AP2A2: variants seen among roughly 807,000 people sequenced by gnomAD.
AP2A2 encodes AP-2 complex subunit alpha-2.
A neutral mutation model predicts 104.2 loss-of-function variants in AP2A2; 32 were observed. That is an observed-to-expected ratio of 0.31 (90% CI 0.23 to 0.41). AP2A2 has a LOEUF of 0.41. AP2A2 is among the 10% of genes least tolerant of loss of function. The probability of loss-of-function intolerance (pLI) is 1.00; values close to 1 mark genes in which losing one functional copy is unlikely to be tolerated. For synonymous variants in AP2A2, 539 were observed against 533.3 expected, an observed-to-expected ratio of 1.01 and a Z score of -0.15; for missense variants, 912 against 1,261.0, an observed-to-expected ratio of 0.72 and a Z score of 4.19.
intron 2 of AP2A2, among the ~76,000 whole-genome samples, chr11:967,867 C>A (rs1854675573): frequency 6.6e-6 from 1 of 152,204 alleles, no homozygotes; most frequent in Admixed American, 6.5e-5. Context: ...CTGTTATCCT[C>A]TGCCTTTTAT....
At chr11:997,963 C>T (rs958980354) in intron 14 of AP2A2, among the ~76,000 whole-genome samples, 2 of 152,140 alleles carry the variant, frequency 1.3e-5, no homozygotes, top group African/African-American at 4.8e-5. Context: ...GTGCAGGAAC[C>T]AGGGTAACAT....
chr11:994,120 A>G lies in AP2A2; in HGVS notation c.1831A>G (p.Ile611Val), dbSNP rs758411680. The change falls in exon 14 of 22, where the codon ATC becomes GTC. Residue 611 changes from isoleucine (I) to valine (V), a missense_variant. Physicochemically the swap from Ile to Val is conservative, Grantham distance 29 (BLOSUM62 3). This residue lies in a region of AP2A2 where 137 missense variants were observed against 186.9 expected (regional missense o/e 0.73). Coordinates refer to ENST00000448903, the MANE Select transcript of AP2A2 (RefSeq NM_012305.4). The part of the protein sequence containing the change: ...MPPFPERESS[I>V]LAKLKKKKGP... ...CCCATTCCCGGAGCGGGAGTCCTCC[A>G]TCTTGGCAAAGCTCAAGAAGAAGAA... 1.9e-6 allele frequency: 3 copies of G among 1,613,058 alleles called. No individual in the cohort carries two copies. Among genetic ancestry groups the G allele is most frequent in the Non-Finnish European group, 2.5e-6 (3 of 1,179,834 alleles).
Position 965,691 on chromosome 11 carries a change from C to T in AP2A2, c.137-4478C>T, listed in dbSNP as rs556491205. Among the ~76,000 whole-genome samples the T allele has an allele frequency of 1.6e-4, 24 of 152,336 alleles. No individual in the cohort carries two copies. In the South Asian group the frequency reaches 4.8e-3, roughly 30 times the overall value. On this transcript the variant is annotated intron_variant, in intron 2 of 21. Coordinates refer to ENST00000448903, the MANE Select transcript of AP2A2 (RefSeq NM_012305.4). ...CTTGACGGTGGCCCCGGCTGACCTG[C>T]AGACGCATGGGCAAGAAATCAGTGC...
intron 1 of AP2A2, chr11:932,692 T>C: frequency 2.2e-6 from 1 of 456,228 alleles, no homozygotes; most frequent in African/African-American, 2.0e-5. Flanking sequence ...TTGCTCGGGT[T>C]GAATTTTTCT....
chr11:1,000,674 G>A, intron 15 of AP2A2, 76 bp downstream of exon 15: 1 of 1,437,400 alleles, frequency 7.0e-7, no homozygotes, highest in South Asian at 1.3e-5. Flanking sequence ...GCCGCGGCCA[G>A]CTGGACAGAG....
At chr11:978,539 GC>G (rs1251503539) in intron 5 of AP2A2, among the ~76,000 whole-genome samples, 1 of 152,150 alleles carries the variant, frequency 6.6e-6, no homozygotes, top group African/African-American at 2.4e-5. Context: ...TTGGTTATAG[GC>G]AACGGAAACT....
In AP2A2 at chr11:1,009,367, C is replaced by T. The variant is rs1856320698; in HGVS notation, c.2577C>T (p.His859=). ...QEVQNIFKAK[H]PMDTEVTKAK... ...TGCAGAACATCTTCAAAGCAAAGCA[C>T]CCAATGGACACAGAAGTCACCAAAG... The change falls in exon 20 of 22, where the codon CAC becomes CAT. Residue 859 remains histidine, a synonymous_variant. Coordinates refer to ENST00000448903, the MANE Select transcript of AP2A2 (RefSeq NM_012305.4). 6.2e-7 allele frequency: 1 copy of T among 1,613,662 alleles called. No homozygotes were observed. Among genetic ancestry groups the T allele is most frequent in the Non-Finnish European group, 8.5e-7 (1 of 1,179,824 alleles).
chr11:991,055 C>A (rs373470354), intron 10 of AP2A2, among the ~76,000 whole-genome samples: 3 of 151,982 alleles, frequency 2.0e-5, no homozygotes, highest in African/African-American at 7.2e-5. Context: ...CCCCCCACCC[C>A]GTCCTTTCAG....
chr11:1,008,323 G>A (rs1294222124), intron 18 of AP2A2, 188 bp downstream of exon 18: 5 of 882,330 alleles, frequency 5.7e-6, no homozygotes, highest in Non-Finnish European at 4.8e-6. Flanking sequence ...AAGGGGAGGC[G>A]GAGCCCTGGG....
Position 988,535 on chromosome 11 carries a change from T to C in AP2A2, c.1132-17T>C. ...GCCTTGCTCCTGCGACCTCTTACTC[T>C]GTGCCTTGTTCCCCAGACTGAGCGG... On this transcript the variant is annotated splice_polypyrimidine_tract_variant and intron_variant, in intron 9 of 21. Coordinates refer to ENST00000448903, the MANE Select transcript of AP2A2 (RefSeq NM_012305.4). 3.1e-6 allele frequency: 5 copies of C among 1,608,012 alleles called. No individual in the cohort carries two copies. The highest frequency in any genetic ancestry group is 3.4e-6 in the Non-Finnish European group (4 of 1,179,258).
intron 1 of AP2A2, among the ~76,000 whole-genome samples, chr11:937,769 G>A (rs190036276): frequency 4.5e-4 from 68 of 152,356 alleles, no homozygotes; most frequent in Middle Eastern, 3.4e-3. Flanking sequence ...TACTGAGTGC[G>A]TGTTGCTTTC....
intron 2 of AP2A2, among the ~76,000 whole-genome samples, chr11:966,895 G>C (rs1224895763): frequency 6.6e-6 from 1 of 152,184 alleles, no homozygotes; most frequent in Non-Finnish European, 1.5e-5. Context: ...CAGGCCAGGC[G>C]TGGTGGCTCA....
chr11:970,356 T>C, intron 3 of AP2A2, 45 bp downstream of exon 3: 2 of 1,599,104 alleles, frequency 1.3e-6, no homozygotes, highest in Non-Finnish European at 8.5e-7. Context: ...GGCGTGGGCC[T>C]GGCAGGACTG....
At chr11:961,590 A>G (rs1203078749) in intron 2 of AP2A2, among the ~76,000 whole-genome samples, 1 of 132,076 alleles carries the variant, frequency 7.6e-6, no homozygotes, top group Non-Finnish European at 1.6e-5. Flanking sequence ...CACCAGTGAA[A>G]AGTAAAGGGC....
At position 1,008,299 on chromosome 11, in the gene AP2A2, A is replaced by G. The variant is rs2133791635; in HGVS notation, c.2420+164A>G. The G allele has an allele frequency of 2.7e-6, 3 of 1,104,220 alleles. No individual in the cohort carries two copies. The South Asian group carries it at 5.2e-5, about 19-fold the overall frequency. 68.4% of individuals were successfully genotyped at this position (1,104,220 alleles called of 1,614,324 possible). A position where few individuals can be genotyped will look rare whatever the true frequency, so the allele number is the denominator to read the frequency against. ...GAGCTATTGCTGCCCCCGGCTCTGC[A>G]GAGCGCAGGAAACAAGGGGAGGCGG... On this transcript the variant is annotated intron_variant, in intron 18 of 21. Coordinates refer to ENST00000448903, the MANE Select transcript of AP2A2 (RefSeq NM_012305.4).
chr11:1,009,881 G>A lies in AP2A2; in HGVS notation c.2742+64G>A, dbSNP rs373343231. The stretch of plus-strand genomic sequence containing the variant: ...CTTTTTATTCTGGCACAATGTACGT[G>A]GTGAGATGTGTAGCTCTTTAGTGCA... On this transcript the variant is annotated intron_variant, in intron 21 of 21. Coordinates refer to ENST00000448903, the MANE Select transcript of AP2A2 (RefSeq NM_012305.4). 8.9e-4 allele frequency: 1,345 copies of A among 1,507,136 alleles called. 23 individuals are homozygous for A. The South Asian group carries it at 0.016, about 18-fold the overall frequency. 93.4% of individuals were successfully genotyped at this position (1,507,136 alleles called of 1,614,324 possible). A position where few individuals can be genotyped will look rare whatever the true frequency, so the allele number is the denominator to read the frequency against.
At chr11:942,879 G>A (rs1253142875) in intron 1 of AP2A2, among the ~76,000 whole-genome samples, 2 of 152,150 alleles carry the variant, frequency 1.3e-5, no homozygotes, top group Non-Finnish European at 2.9e-5. Flanking sequence ...CCAGCCTGGA[G>A]GGGAGAAGGG....
chr11:1,000,076 G>A (rs935861434), intron 14 of AP2A2, among the ~76,000 whole-genome samples: 3 of 152,162 alleles, frequency 2.0e-5, no homozygotes, highest in African/African-American at 7.2e-5. Context: ...AAAGTGCTGG[G>A]ATGACAGGTG....
chr11:1,007,828 G>A (rs1856260553), intron 17 of AP2A2, 184 bp from the exon 18 acceptor site: 1 of 742,786 alleles, frequency 1.3e-6, no homozygotes, highest in Non-Finnish European at 2.2e-6. Context: ...GAAGCAGACA[G>A]TGTTTTGAGG....
Sources: allele counts gnomAD v4.1 joint callset (sites outside exome capture counted in the v4.1 genomes callset), GRCh38; gene constraint gnomAD v4.1.1; regional missense constraint gnomAD v4.1.1; transcripts MANE v1.5; gene names NCBI Gene and HGNC (gene_info 2026-07-23, HGNC 2026-07-21).